The following BLOC1S3 variants were observed in gnomAD, a reference collection of about 807,000 sequenced individuals.
BLOC1S3 encodes biogenesis of lysosomal organelles complex 1 subunit 3, also known as biogenesis of lysosome-related organelles complex 1 subunit 3.
A neutral mutation model predicts 9.1 loss-of-function variants in BLOC1S3; 7 were observed. The ratio of observed to expected loss-of-function variants is 0.77; its 90% CI spans 0.44 to 1.45. The LOEUF is 1.45. Among genes scored for constraint, BLOC1S3 ranks in the 40% most tolerant of loss-of-function variants. The pLI, the probability that BLOC1S3 is intolerant of heterozygous loss-of-function variation, is 0.01. For synonymous variants in BLOC1S3, 145 were observed against 158.4 expected, an observed-to-expected ratio of 0.92 and a Z score of 0.64; for missense variants, 307 against 315.2, an observed-to-expected ratio of 0.97 and a Z score of 0.20.
At chr19:45,196,389 A>G (rs1201811339) in intron 2 of BLOC1S3, among the ~76,000 whole-genome samples, 1 of 151,902 alleles carries the variant, frequency 6.6e-6, no homozygotes, top group Non-Finnish European at 1.5e-5. Flanking sequence ...AATATAATGC[A>G]ACATGGTGTC....
intron 2 of BLOC1S3, among the ~76,000 whole-genome samples, chr19:45,195,334 G>A (rs1029076426): frequency 6.6e-6 from 1 of 152,038 alleles, no homozygotes; most frequent in African/African-American, 2.4e-5. Context: ...AGCCACCCGA[G>A]TAGCTGGGAC....
downstream of BLOC1S3, among the ~76,000 whole-genome samples, chr19:45,183,089 G>T (rs1969538424): frequency 6.6e-6 from 1 of 152,150 alleles, no homozygotes; most frequent in Admixed American, 6.5e-5. Context: ...GATGATTTCT[G>T]CTCTCCACCT....
intron 2 of BLOC1S3, among the ~76,000 whole-genome samples, chr19:45,201,660 A>G (rs113149176): frequency 0.037 from 5,700 of 152,130 alleles, 341 homozygotes; most frequent in African/African-American, 0.13. Context: ...GCTCTATTCT[A>G]CTGTGGCTGA....
intron 2 of BLOC1S3, among the ~76,000 whole-genome samples, chr19:45,199,309 C>CTTTTTTTTTTTT (rs34967306): frequency 6.9e-5 from 5 of 72,500 alleles, no homozygotes; most frequent in Admixed American, 2.1e-4. Flanking sequence ...GTGCCTTATT[C>CTTTTTTTTTTTT]TTTTTTTTTT....
At position 45,213,217 on chromosome 19, in the gene BLOC1S3, G is replaced by A. The variant is rs760177432; in HGVS notation, n.283-3459G>A. ...AGATGGGCGGGGCACAGGGATGTCT[G>A]CAAAGAAGGCACGGTCCCGAGGGGG... On this transcript the variant is annotated intron_variant and non_coding_transcript_variant, in intron 3 of 3. Transcript: ENST00000591569. 8 of 1,611,700 alleles carry A rather than the reference G, an allele frequency of 5.0e-6. No individual in the cohort carries two copies. The highest frequency in any genetic ancestry group is 1.3e-5 in the African/African-American group (1 of 74,842).
intron 3 of BLOC1S3, among the ~76,000 whole-genome samples, chr19:45,214,777 T>C (rs904534272): frequency 1.3e-5 from 2 of 152,050 alleles, no homozygotes; most frequent in Non-Finnish European, 2.9e-5. Flanking sequence ...TCTGGTGTAC[T>C]AGTTTTAGAG....
At chr19:45,212,249 TCCACTACCCTG>T (rs1011619279) in intron 3 of BLOC1S3, among the ~76,000 whole-genome samples, 2 of 152,100 alleles carry the variant, frequency 1.3e-5, no homozygotes, top group Non-Finnish European at 2.9e-5. Context: ...TCCCTCTACC[TCCACTACCCTG>T]CCCAGGAGCT....
At chr19:45,183,246 G>A (rs149458040), downstream of BLOC1S3, among the ~76,000 whole-genome samples, 2,567 of 152,100 alleles carry the variant, frequency 0.017, 66 homozygotes, top group African/African-American at 0.056. Flanking sequence ...TTGGGAGGTC[G>A]AGGCAGGCAG....
rs745352480 is a variant in BLOC1S3 at position 45,179,809 on chromosome 19, C to G, written c.513C>G (p.Ala171=). ...RLARGDLCAL[A]ERLDIVAGCR... ...CGCGCGGGGACCTTTGTGCGCTGGC[C>G]GAGCGTCTGGACATCGTGGCTGGCT... Residue 171 remains alanine (A), a synonymous_variant, in exon 2 of 2, where the codon GCC becomes GCG. Coordinates refer to ENST00000433642, the MANE Select transcript of BLOC1S3 (RefSeq NM_212550.5). This position sits in a 1 kb window ranked among gnomAD's most constrained non-coding sequence, Gnocchi z 4.6. The G allele has an allele frequency of 1.9e-6, 3 of 1,604,584 alleles. No individual in the cohort carries two copies. The highest frequency in any genetic ancestry group is 1.7e-6 in the Non-Finnish European group (2 of 1,177,244).
At chr19:45,193,132 C>CAAAAAAAAAAA (rs71173123) in intron 2 of BLOC1S3, among the ~76,000 whole-genome samples, 32 of 77,950 alleles carry the variant, frequency 4.1e-4, no homozygotes, top group Non-Finnish European at 7.2e-4. Flanking sequence ...AACTCCGTCT[C>CAAAAAAAAAAA]AAAAAAAAAA....
At chr19:45,184,427 G>A (rs1029132494), downstream of BLOC1S3, among the ~76,000 whole-genome samples, 1 of 152,030 alleles carries the variant, frequency 6.6e-6, no homozygotes, top group Non-Finnish European at 1.5e-5. Flanking sequence ...GCAATATAGC[G>A]AGACCCCATC....
chr19:45,189,439 T>C (rs1344863191), intron 2 of BLOC1S3, among the ~76,000 whole-genome samples: 2 of 151,762 alleles, frequency 1.3e-5, no homozygotes, highest in African/African-American at 2.4e-5. Flanking sequence ...TTTTTTTTTT[T>C]TTCTTTTTTT....
chr19:45,205,325 C>T (rs1969718941), intron 3 of BLOC1S3, among the ~76,000 whole-genome samples: 1 of 151,902 alleles, frequency 6.6e-6, no homozygotes, highest in Admixed American at 6.6e-5. Flanking sequence ...ACCACCACAC[C>T]CGGCTAATTT....
chr19:45,197,914 C>T (rs1011415679), intron 2 of BLOC1S3, among the ~76,000 whole-genome samples: 1 of 149,428 alleles, frequency 6.7e-6, no homozygotes, highest in African/African-American at 2.5e-5. Flanking sequence ...AAGCACTAGA[C>T]AGGGGAACAA....
At chr19:45,204,980 C>G (rs963885057) in intron 3 of BLOC1S3, among the ~76,000 whole-genome samples, 4 of 152,046 alleles carry the variant, frequency 2.6e-5, no homozygotes, top group East Asian at 3.9e-4. Flanking sequence ...GTAATCCCCC[C>G]ACCTTGGCCT....
At chr19:45,182,741 C>A (rs535248944), downstream of BLOC1S3, among the ~76,000 whole-genome samples, 1 of 152,220 alleles carries the variant, frequency 6.6e-6, no homozygotes, top group South Asian at 2.1e-4. Context: ...TGGTCTTGAA[C>A]TTCTGAGCTC....
Position 45,179,539 on chromosome 19 carries a change from T to G in BLOC1S3, c.243T>G (p.Pro81=). The part of the protein sequence containing the change: ...PEPTAAPRDL[P]PLVVQRESAE... ...CGACGGCCGCGCCGAGGGACCTGCC[T>G]CCACTCGTGGTGCAGCGGGAATCGG... The change falls in exon 2 of 2, where the codon CCT becomes CCG. Residue 81 remains proline (P), a synonymous_variant. Transcript: ENST00000433642. The surrounding 1 kb of genome is among the most constrained non-coding windows in gnomAD (Gnocchi z 4.6). The G allele has an allele frequency of 6.6e-7, 1 of 1,522,496 alleles. No homozygotes were observed. Among genetic ancestry groups the G allele is most frequent in the East Asian group, 2.5e-5 (1 of 39,444 alleles). 94.3% of individuals were successfully genotyped at this position (1,522,496 alleles called of 1,614,324 possible). A position where few individuals can be genotyped will look rare whatever the true frequency, so the allele number is the denominator to read the frequency against.
At chr19:45,204,354 C>A (rs965030623) in intron 3 of BLOC1S3, among the ~76,000 whole-genome samples, 1 of 151,564 alleles carries the variant, frequency 6.6e-6, no homozygotes, top group African/African-American at 2.4e-5. Flanking sequence ...CATGCCCCAG[C>A]TAATTTTTTT....
rs1334341583 is a variant in BLOC1S3, at chr19:45,179,987, C to T, written c.*82C>T. 6.7e-7 allele frequency: 1 copy of T among 1,502,122 alleles called. No individual in the cohort carries two copies. The highest frequency in any genetic ancestry group is 1.2e-5 in the South Asian group (1 of 81,882). 93.0% of individuals were successfully genotyped at this position (1,502,122 alleles called of 1,614,324 possible). ...GGACCTGACTCTGTCTCCTGTGTCT[C>T]TTATCACCCCCCACCCCCGCTCCCA... On this transcript the variant is annotated 3_prime_UTR_variant, in exon 2 of 2. Transcript: ENST00000433642. The surrounding 1 kb of genome is among the most constrained non-coding windows in gnomAD (Gnocchi z 4.6).
Sources: gnomAD v4.1 joint callset for allele counts (sites outside exome capture counted in the v4.1 genomes callset) on GRCh38, gnomAD v4.1.1 for gene constraint, Gnocchi (gnomAD v3.1) non-coding constraint, MANE v1.5 for transcripts, NCBI Gene and HGNC (gene_info 2026-07-23, HGNC 2026-07-21) for gene names.